TNFSF13B: variants seen among roughly 807,000 people sequenced by gnomAD.
TNFSF13B encodes tumor necrosis factor ligand superfamily member 13B.
TNFSF13B carries 8 observed loss-of-function variants against 29.1 expected under a neutral mutation model. That is an observed-to-expected ratio of 0.27 (90% CI 0.16 to 0.50). TNFSF13B has a LOEUF of 0.50. Ranked by LOEUF, TNFSF13B falls within the 20% of genes least tolerant of loss-of-function variation. The probability of loss-of-function intolerance (pLI) is 0.98; values close to 1 mark genes in which losing one functional copy is unlikely to be tolerated. For missense variants in TNFSF13B, 248 were observed against 334.9 expected (o/e 0.74, Z 2.03); for synonymous variants, 125 against 130.8 (o/e 0.96, Z 0.30).
intron 3 of TNFSF13B, among the ~76,000 whole-genome samples, chr13:108,293,077 C>G (rs1881367667): frequency 6.6e-6 from 1 of 151,974 alleles, no homozygotes; most frequent in Non-Finnish European, 1.5e-5. Flanking sequence ...GGTAATTAAT[C>G]TATTTTAATT....
intron 2 of TNFSF13B, among the ~76,000 whole-genome samples, chr13:108,276,698 G>C (rs1182963339): frequency 6.6e-6 from 1 of 152,150 alleles, no homozygotes; most frequent in Non-Finnish European, 1.5e-5. Flanking sequence ...ATTTTGAATG[G>C]AGAGGCCAGG....
chr13:108,306,495 A>G (rs1470241449), intron 5 of TNFSF13B, among the ~76,000 whole-genome samples: 1 of 152,016 alleles, frequency 6.6e-6, no homozygotes, highest in Non-Finnish European at 1.5e-5. Flanking sequence ...AACAAAACTC[A>G]TCACTAATAA....
At chr13:108,302,978 T>A (rs1207274028) in intron 3 of TNFSF13B, 1 of 553,842 alleles carries the variant, frequency 1.8e-6, no homozygotes, top group Non-Finnish European at 2.5e-6. Flanking sequence ...AGCCGAAATA[T>A]AGACCAATAA....
At position 108,306,654 on chromosome 13, in the gene TNFSF13B, A is replaced by T. The variant is rs16972249; in HGVS notation, c.746-172A>T. The stretch of plus-strand genomic sequence containing the variant: ...AACTCCTTTTGCTTATTTCTTCTAA[A>T]TTTTTTTTTAGGCTAAGATAATTGC... On this transcript the variant is annotated intron_variant, in intron 5 of 5. Transcript: ENST00000375887. 0.027 allele frequency among the ~76,000 whole-genome samples: 4,077 copies of T among 150,764 alleles called. 96 individuals carry two copies. The highest frequency in any genetic ancestry group is 0.1 in the East Asian group (539 of 5,142).
intron 3 of TNFSF13B, among the ~76,000 whole-genome samples, chr13:108,300,229 C>T (rs949245297): frequency 6.6e-6 from 1 of 152,086 alleles, no homozygotes; most frequent in East Asian, 1.9e-4. Context: ...TTAATTTTTA[C>T]AGTACATTGC....
At chr13:108,297,059 A>T (rs1881474967) in intron 3 of TNFSF13B, among the ~76,000 whole-genome samples, 1 of 145,284 alleles carries the variant, frequency 6.9e-6, no homozygotes, top group South Asian at 2.1e-4. Context: ...TTATTTCTTC[A>T]TATGTCTTTC....
Position 108,307,029 on chromosome 13 carries a change from A to G in TNFSF13B, c.*91A>G. The G allele has an allele frequency of 1.6e-6, 1 of 633,014 alleles. No homozygotes were observed. Among genetic ancestry groups the G allele is most frequent in the Non-Finnish European group, 2.4e-6 (1 of 416,408 alleles). 39.2% of individuals were successfully genotyped at this position (633,014 alleles called of 1,614,324 possible). ...AACTGAAAATACCAAAAAAAAAAAA[A>G]AAAAAAAAAAAAAAAAAAGTAGTTA... On this transcript the variant is annotated 3_prime_UTR_variant, in exon 6 of 6. Coordinates refer to ENST00000375887, the MANE Select transcript of TNFSF13B (RefSeq NM_006573.5).
Position 108,270,014 on chromosome 13 carries a change from G to C in TNFSF13B, c.119G>C (p.Arg40Pro). 6.2e-7 allele frequency: 1 copy of C among 1,612,990 alleles called. No individual in the cohort carries two copies. The highest frequency in any genetic ancestry group is 8.5e-7 in the Non-Finnish European group (1 of 1,180,018). ...ILPRKESPSV[R>P]SSKDGKLLAA... ...CCACGGAAGGAAAGCCCCTCTGTCC[G>C]ATCCTCCAAAGACGGAAAGCTGCTG... Residue 40 changes from arginine to proline, a missense_variant, in exon 1 of 6, where the codon CGA (arginine) becomes CCA (proline). Physicochemically the swap from Arg to Pro is moderately radical, Grantham distance 103. Around this residue, in one of 2 missense-constraint regions of TNFSF13B, gnomAD observed 186 missense variants for 196.3 expected, o/e 0.95. Coordinates refer to ENST00000375887, the MANE Select transcript of TNFSF13B (RefSeq NM_006573.5).
At chr13:108,278,711 T>TCTCCTCTCCCTCCTCCTCCCCTC (rs1880846151) in intron 2 of TNFSF13B, among the ~76,000 whole-genome samples, 1 of 131,200 alleles carries the variant, frequency 7.6e-6, no homozygotes, top group Non-Finnish European at 1.6e-5. Context: ...CTCCTCCCCT[T>TCTCCTCTCCCTCCTCCTCCCCTC]CTCTTCCTCC....
At chr13:108,297,084 G>C (rs1881475831) in intron 3 of TNFSF13B, among the ~76,000 whole-genome samples, 1 of 145,138 alleles carries the variant, frequency 6.9e-6, no homozygotes, top group Admixed American at 6.8e-5. Flanking sequence ...CTCACTTAGT[G>C]CTTTTTGTTT....
intron 2 of TNFSF13B, among the ~76,000 whole-genome samples, chr13:108,281,344 C>T (rs186728762): frequency 3.5e-4 from 53 of 152,270 alleles, no homozygotes; most frequent in South Asian, 2.1e-4. Context: ...TTCCAACACC[C>T]GCTTCCAAAA....
At chr13:108,286,631 A>G (rs907753822) in intron 2 of TNFSF13B, among the ~76,000 whole-genome samples, 172 bp from the exon 3 acceptor site, 1 of 95,648 alleles carries the variant, frequency 1.0e-5, no homozygotes, top group Admixed American at 1.5e-4. Flanking sequence ...TATATATCAT[A>G]TATATAAATC....
At chr13:108,305,477 A>G (rs763625701) in intron 5 of TNFSF13B, among the ~76,000 whole-genome samples, 2 of 152,180 alleles carry the variant, frequency 1.3e-5, no homozygotes, top group Non-Finnish European at 2.9e-5. Context: ...ATAGTTGTTC[A>G]CACCCACCTA....
intron 2 of TNFSF13B, among the ~76,000 whole-genome samples, chr13:108,276,645 A>G (rs1880770794): frequency 6.6e-6 from 1 of 152,220 alleles, no homozygotes; most frequent in Admixed American, 6.5e-5. Flanking sequence ...GTGAATGAGT[A>G]TCAGGAATGT....
At chr13:108,303,109 C>T (rs1275099463) in intron 3 of TNFSF13B, 144 bp from the exon 4 acceptor site, 5 of 673,986 alleles carry the variant, frequency 7.4e-6, no homozygotes, top group Admixed American at 3.3e-5. Context: ...ACTTGTATTC[C>T]TTTTTCCTTT....
At chr13:108,289,102 A>G (rs1881228916) in intron 3 of TNFSF13B, among the ~76,000 whole-genome samples, 1 of 151,114 alleles carries the variant, frequency 6.6e-6, no homozygotes, top group Non-Finnish European at 1.5e-5. Flanking sequence ...AGAAGATCTT[A>G]AGGGCCAAAG....
intron 3 of TNFSF13B, among the ~76,000 whole-genome samples, chr13:108,293,663 G>T (rs567266649): frequency 1.1e-4 from 17 of 152,206 alleles, no homozygotes; most frequent in African/African-American, 3.4e-4. Flanking sequence ...TTACTTCTAG[G>T]TGTTATGTTC....
chr13:108,272,582 A>G (rs898575645), intron 2 of TNFSF13B, among the ~76,000 whole-genome samples: 2 of 151,978 alleles, frequency 1.3e-5, no homozygotes, highest in African/African-American at 4.8e-5. Flanking sequence ...TCTAACTGGT[A>G]TCTCAACCAA....
rs141878053 is a variant in TNFSF13B at position 108,289,209 on chromosome 13, A to C, written c.481+2350A>C. Among the ~76,000 whole-genome samples, 27 of 152,026 alleles carry C rather than the reference A, an allele frequency of 1.8e-4. No individual in the cohort carries two copies. The East Asian group carries it at 5.0e-3, about 28-fold the overall frequency. On this transcript the variant is annotated intron_variant, in intron 3 of 5. Coordinates refer to ENST00000375887, the MANE Select transcript of TNFSF13B (RefSeq NM_006573.5). ...AATTGCACCAAATTATGCAGCTGCTATACTCCAATGTGCGTGTGAACTGGA... is the reference window on the plus strand; with the variant it reads ...AATTGCACCAAATTATGCAGCTGCTCTACTCCAATGTGCGTGTGAACTGGA...
Sources: gnomAD v4.1 joint callset for allele counts (sites outside exome capture counted in the v4.1 genomes callset) on GRCh38, gnomAD v4.1.1 for gene constraint, gnomAD v4.1.1 regional missense constraint, MANE v1.5 for transcripts, NCBI Gene and HGNC (gene_info 2026-07-23, HGNC 2026-07-21) for gene names.